CCSER1: variants seen among roughly 807,000 people sequenced by gnomAD.
CCSER1 encodes the protein coiled-coil serine rich protein 1, also known as serine-rich coiled-coil domain-containing protein 1.
CCSER1 carries 41 observed loss-of-function variants against 82.0 expected under a neutral mutation model. The observed-to-expected ratio is 0.50, with a 90% CI of 0.39 to 0.65. The LOEUF (loss-of-function observed/expected upper bound fraction) is 0.65, where lower values mean the gene tolerates loss of function less well. Among genes scored for constraint, CCSER1 ranks in the 30% least tolerant of loss-of-function variants. The pLI is 0.00. For synonymous variants in CCSER1, 414 were observed against 383.9 expected (o/e 1.08, Z -0.92); for missense variants, 1,119 against 1,064.2 (o/e 1.05, Z -0.72).
At chr4:91,072,664 G>C (rs980658265) in intron 9 of CCSER1, among the ~76,000 whole-genome samples, 7 of 152,006 alleles carry the variant, frequency 4.6e-5, no homozygotes, top group Non-Finnish European at 7.4e-5. Flanking sequence ...TCCAAAAGTA[G>C]CTCTGTAATG....
intron 10 of CCSER1, among the ~76,000 whole-genome samples, chr4:91,308,065 T>C (rs1366272881): frequency 2.0e-5 from 3 of 151,932 alleles, no homozygotes; most frequent in Non-Finnish European, 4.4e-5. Flanking sequence ...AAAATAATCA[T>C]CCCACCCCAA....
At chr4:90,131,100 T>C (rs1722752137) in intron 1 of CCSER1, among the ~76,000 whole-genome samples, 1 of 152,116 alleles carries the variant, frequency 6.6e-6, no homozygotes, top group Non-Finnish European at 1.5e-5. Flanking sequence ...TGGGTTCAAG[T>C]GATTCTCCTC....
intron 10 of CCSER1, among the ~76,000 whole-genome samples, chr4:91,520,562 AAAACAC>A (rs1760403615): frequency 6.6e-6 from 1 of 152,188 alleles, no homozygotes; most frequent in African/African-American, 2.4e-5. Context: ...GTTTTAAGCA[AAAACAC>A]ATTTTTTACT....
chr4:91,402,752 A>G (rs1314762054), intron 10 of CCSER1, among the ~76,000 whole-genome samples: 1 of 145,702 alleles, frequency 6.9e-6, no homozygotes, highest in Non-Finnish European at 1.5e-5. Context: ...CTATTGGTCT[A>G]TCTCTCTGTT....
intron 1 of CCSER1, among the ~76,000 whole-genome samples, chr4:90,235,766 A>G (rs4356886): frequency 0.16 from 24,411 of 151,930 alleles, 2,583 homozygotes; most frequent in East Asian, 0.3. Flanking sequence ...TCAATAATTC[A>G]TATACCTCAT....
intron 5 of CCSER1, among the ~76,000 whole-genome samples, chr4:90,598,986 G>T (rs1783710222): frequency 6.6e-6 from 1 of 152,192 alleles, no homozygotes; most frequent in Non-Finnish European, 1.5e-5. Flanking sequence ...CACTCTAGCA[G>T]TGGCTCTGGG....
intron 10 of CCSER1, among the ~76,000 whole-genome samples, chr4:91,187,354 A>G (rs903583426): frequency 9.9e-5 from 15 of 152,196 alleles, no homozygotes; most frequent in Non-Finnish European, 1.9e-4. Context: ...AGTATTAATC[A>G]TAGGATTTTA....
intron 10 of CCSER1, among the ~76,000 whole-genome samples, chr4:91,414,368 T>C (rs1333585418): frequency 6.6e-6 from 1 of 152,044 alleles, no homozygotes; most frequent in Non-Finnish European, 1.5e-5. Flanking sequence ...TAAAATTTTA[T>C]AACACTAAGA....
At chr4:91,285,442 T>C (rs1338117003) in intron 10 of CCSER1, among the ~76,000 whole-genome samples, 1 of 151,876 alleles carries the variant, frequency 6.6e-6, no homozygotes, top group Non-Finnish European at 1.5e-5. Context: ...GGAATTATTA[T>C]CCTTAATTTG....
intron 10 of CCSER1, among the ~76,000 whole-genome samples, chr4:91,238,661 T>A (rs1304933946): frequency 6.6e-6 from 1 of 152,210 alleles, no homozygotes; most frequent in Non-Finnish European, 1.5e-5. Context: ...TCAATGAAGA[T>A]AATCCAATTG....
chr4:90,943,668 TC>T (rs1414278290), intron 9 of CCSER1, among the ~76,000 whole-genome samples: 1 of 147,342 alleles, frequency 6.8e-6, no homozygotes, highest in African/African-American at 2.5e-5. Flanking sequence ...GCTCAAGCAA[TC>T]CTCCTGCCTC....
At chr4:90,749,926 T>G in intron 7 of CCSER1, among the ~76,000 whole-genome samples, 1 of 151,994 alleles carries the variant, frequency 6.6e-6, no homozygotes, top group East Asian at 1.9e-4. Flanking sequence ...AAAGTGTTCC[T>G]ATTTCTCGAC....
At chr4:91,132,817 A>G (rs977907414) in intron 10 of CCSER1, among the ~76,000 whole-genome samples, 2 of 152,204 alleles carry the variant, frequency 1.3e-5, no homozygotes, top group African/African-American at 4.8e-5. Context: ...TAAGAGAGGA[A>G]TAAAAAACCT....
At chr4:90,247,785 TTA>T (rs1329082446) in intron 1 of CCSER1, among the ~76,000 whole-genome samples, 1 of 151,976 alleles carries the variant, frequency 6.6e-6, no homozygotes, top group Non-Finnish European at 1.5e-5. Context: ...ATAGTCAGTT[TTA>T]TATATATTAT....
chr4:90,523,956 G>A (rs1018548564), intron 5 of CCSER1, among the ~76,000 whole-genome samples: 4 of 151,974 alleles, frequency 2.6e-5, no homozygotes, highest in Non-Finnish European at 4.4e-5. Flanking sequence ...GAAAACCTAG[G>A]TGAAGAGATG....
chr4:90,461,284 G>A (rs1379584151), intron 4 of CCSER1, among the ~76,000 whole-genome samples: 1 of 117,924 alleles, frequency 8.5e-6, no homozygotes, highest in Admixed American at 7.4e-5. Flanking sequence ...AGCCGGGATG[G>A]TCTCGATCTC....
At chr4:90,803,295 A>G (rs1840307) in intron 7 of CCSER1, among the ~76,000 whole-genome samples, 51,705 of 151,952 alleles carry the variant, frequency 0.34, 9,007 homozygotes, top group East Asian at 0.42. Context: ...CATGTGCCAC[A>G]GTGGTTTGCT....
rs778419837 is a variant in CCSER1, at chr4:90,468,229, A to T, written c.1604-5A>T. On this transcript the variant is annotated splice_region_variant and splice_polypyrimidine_tract_variant and intron_variant, in intron 4 of 10. Transcript: ENST00000509176. ...CATTTACAATTCCTCGGTTTTTTTGAACAGTTTGCCGGGAGGACTCATATC... is the reference window on the plus strand; with the variant it reads ...CATTTACAATTCCTCGGTTTTTTTGTACAGTTTGCCGGGAGGACTCATATC... The T allele has an allele frequency of 3.3e-5, 52 of 1,583,038 alleles. No homozygotes were observed. Among genetic ancestry groups the T allele is most frequent in the Non-Finnish European group, 4.5e-5 (52 of 1,164,380 alleles).
chr4:90,568,541 T>C (rs530137726), intron 5 of CCSER1, among the ~76,000 whole-genome samples: 1 of 152,308 alleles, frequency 6.6e-6, no homozygotes, highest in East Asian at 1.9e-4. Flanking sequence ...TTAAAGCCCA[T>C]GTGTGTCTCT....
Sources: allele counts gnomAD v4.1 joint callset (sites outside exome capture counted in the v4.1 genomes callset), GRCh38; gene constraint gnomAD v4.1.1; transcripts MANE v1.5; gene names NCBI Gene and HGNC (gene_info 2026-07-23, HGNC 2026-07-21).